The following SETD2 variants were observed in gnomAD, a reference collection of about 807,000 sequenced individuals.
SETD2 encodes SET domain containing 2, histone lysine methyltransferase, also known as histone-lysine N-methyltransferase SETD2.
In SETD2, 31 loss-of-function variants were observed where a neutral mutation model predicts 242.1. The ratio of observed to expected loss-of-function variants is 0.13; its 90% CI spans 0.10 to 0.17. The LOEUF (loss-of-function observed/expected upper bound fraction) is 0.17, where lower values mean the gene tolerates loss of function less well. Ranked by LOEUF, SETD2 falls within the 10% of genes least tolerant of loss-of-function variation. SETD2 has a pLI of 1.00. For missense variants in SETD2, 2,481 were observed against 3,046.3 expected (o/e 0.81, Z 4.37); for synonymous variants, 1,006 against 1,066.5 (o/e 0.94, Z 1.11).
rs1045316054 is a variant in SETD2 at position 47,100,878 on chromosome 3, C to T, written c.5015+580G>A. Among the ~76,000 whole-genome samples the T allele has an allele frequency of 2.4e-4, 36 of 151,348 alleles. 1 individual carries two copies. Among genetic ancestry groups the T allele is most frequent in the African/African-American group, 6.8e-4 (28 of 41,206 alleles). ...ACAAAAAATTAGCTGGGCGTGGTGG[C>T]GGGCGCCTGTAGTACCAGCTGCTCA... is the stretch of plus-strand genomic sequence containing the variant. On this transcript the variant is annotated intron_variant, in intron 8 of 20. Coordinates refer to ENST00000409792, the MANE Select transcript of SETD2 (RefSeq NM_014159.7).
chr3:47,109,421 G>A (rs1023414334), intron 5 of SETD2, among the ~76,000 whole-genome samples: 1 of 152,134 alleles, frequency 6.6e-6, no homozygotes, highest in African/African-American at 2.4e-5. Flanking sequence ...CAAGGTGAGA[G>A]GATCACTGGA....
At chr3:47,102,772 C>CAAAAAAAAAAA in intron 7 of SETD2, among the ~76,000 whole-genome samples, 1 of 97,940 alleles carries the variant, frequency 1.0e-5, no homozygotes. Flanking sequence ...CCAGCCTGGG[C>CAAAAAAAAAAA]AAAAAAAAAA....
chr3:47,057,778 G>T (rs2040143374), intron 14 of SETD2, among the ~76,000 whole-genome samples: 2 of 151,814 alleles, frequency 1.3e-5, no homozygotes, highest in African/African-American at 2.4e-5. Flanking sequence ...TTTATAGCTG[G>T]GGACATTTCT....
chr3:47,109,056 C>T (rs1343775180), intron 5 of SETD2, among the ~76,000 whole-genome samples: 1 of 152,126 alleles, frequency 6.6e-6, no homozygotes, highest in African/African-American at 2.4e-5. Context: ...CTTCATTGAA[C>T]TCCTTCTCCT....
intron 18 of SETD2, among the ~76,000 whole-genome samples, chr3:47,036,695 G>A (rs1355655888): frequency 2.0e-5 from 3 of 151,784 alleles, no homozygotes; most frequent in East Asian, 3.9e-4. Flanking sequence ...CTGTGGTCAG[G>A]AGTTCAAAAC....
intron 1 of SETD2, among the ~76,000 whole-genome samples, chr3:47,142,350 A>G (rs966708669): frequency 5.9e-5 from 9 of 152,090 alleles, no homozygotes; most frequent in African/African-American, 1.9e-4. Context: ...TCTACAAAAA[A>G]TAAGCAAAAT....
In SETD2 at chr3:47,044,344, C is replaced by CAAAAAAAAAAAAAAAAAAAA. The variant is rs59408277; in HGVS notation, c.7099-1664_7099-1645dup. 2.4e-4 allele frequency among the ~76,000 whole-genome samples: 8 copies of CAAAAAAAAAAAAAAAAAAAA among 33,948 alleles called. 1 individual carries two copies. The highest frequency in any genetic ancestry group is 4.6e-4 in the African/African-American group (4 of 8,738). The allele number at this position is 33,948 out of a possible 152,430, so 22.3% of individuals were successfully genotyped here. On this transcript the variant is annotated intron_variant, in intron 16 of 20. Coordinates refer to ENST00000409792, the MANE Select transcript of SETD2 (RefSeq NM_014159.7). ...TGGGCAACAAAGCAAGACTTCATCT[C>CAAAAAAAAAAAAAAAAAAAA]AAAAAAAAAAAAAAAAAAAAAAAAA...
At chr3:47,055,816 T>C (rs953766369) in intron 15 of SETD2, among the ~76,000 whole-genome samples, 6 of 151,564 alleles carry the variant, frequency 4.0e-5, no homozygotes, top group Non-Finnish European at 5.9e-5. Flanking sequence ...ATTGAGACCA[T>C]CCTGGCTAAC....
intron 12 of SETD2, among the ~76,000 whole-genome samples, chr3:47,082,152 T>C (rs540103152): frequency 5.3e-4 from 80 of 152,296 alleles, no homozygotes; most frequent in Non-Finnish European, 8.7e-4. Context: ...CCATCACAAT[T>C]ACAGAAACCC....
At chr3:47,146,263 G>A (rs2043849014) in intron 1 of SETD2, among the ~76,000 whole-genome samples, 1 of 152,000 alleles carries the variant, frequency 6.6e-6, no homozygotes, top group East Asian at 1.9e-4. Flanking sequence ...AGAAATGGAG[G>A]CCAAAGAAGC....
intron 15 of SETD2, among the ~76,000 whole-genome samples, chr3:47,047,878 T>C (rs1375690091): frequency 1.3e-5 from 2 of 152,192 alleles, no homozygotes; most frequent in East Asian, 3.8e-4. Flanking sequence ...TAACATCATA[T>C]AATGTACTTT....
chr3:47,095,230 G>A (rs1286416721), intron 9 of SETD2, among the ~76,000 whole-genome samples: 1 of 152,130 alleles, frequency 6.6e-6, no homozygotes, highest in Non-Finnish European at 1.5e-5. Flanking sequence ...CTGCCTCCTG[G>A]GTTCAAGCAA....
rs1458705169 is a variant in SETD2 at position 47,163,941 on chromosome 3, CGGCGACGCGAGCCCCCTCCCCGCAGCAG to C, written c.-45_-18del. 1.3e-5 allele frequency: 17 copies of C among 1,284,870 alleles called. No individual in the cohort carries two copies. The highest frequency in any genetic ancestry group is 1.5e-5 in the Non-Finnish European group (15 of 1,010,396). 79.6% of individuals were successfully genotyped at this position (1,284,870 alleles called of 1,614,324 possible). On this transcript the variant is annotated 5_prime_UTR_variant, in exon 1 of 21. Coordinates refer to ENST00000409792, the MANE Select transcript of SETD2 (RefSeq NM_014159.7). ...CTGCTTCATCGGGAGCGGCTGGAGA[CGGCGACGCGAGCCCCCTCCCCGCAGCAG>C]GGCGACGCGGGGGAGGGGAGGGGAG...
intron 6 of SETD2, 37 bp from the exon 7 acceptor site, chr3:47,103,460 T>A (rs1311328170): frequency 7.4e-7 from 1 of 1,345,560 alleles, no homozygotes; most frequent in Non-Finnish European, 1.1e-6. Context: ...TAAAAAATAA[T>A]ACCTTAAATA....
chr3:47,153,894 A>G (rs1300119434), intron 1 of SETD2, among the ~76,000 whole-genome samples: 1 of 152,234 alleles, frequency 6.6e-6, no homozygotes, highest in Non-Finnish European at 1.5e-5. Flanking sequence ...AAATAAGTAC[A>G]GATTTTTTAA....
intron 16 of SETD2, among the ~76,000 whole-genome samples, chr3:47,045,776 A>G (rs1405380525): frequency 7.0e-6 from 1 of 142,712 alleles, no homozygotes. Flanking sequence ...GGATCCTAGG[A>G]GCATTTTTTT....
At chr3:47,152,000 A>G (rs1399082897) in intron 1 of SETD2, among the ~76,000 whole-genome samples, 4 of 152,176 alleles carry the variant, frequency 2.6e-5, no homozygotes, top group Non-Finnish European at 5.9e-5. Context: ...CAAGGTGTTC[A>G]TATCAGCTAG....
chr3:47,147,124 C>T lies in SETD2; in HGVS notation c.71+16730G>A, dbSNP rs188891088. ...CTCCCAGGTTCAAGCAATTCTCCTG[C>T]CTCAGCCTCCCAAGTAGCTGGGATT... On this transcript the variant is annotated intron_variant, in intron 1 of 20. Coordinates refer to ENST00000409792, the MANE Select transcript of SETD2 (RefSeq NM_014159.7). Among the ~76,000 whole-genome samples the T allele has an allele frequency of 2.6e-5, 4 of 152,140 alleles. No individual in the cohort carries two copies. In the East Asian group the frequency reaches 7.7e-4, roughly 29 times the overall value.
chr3:47,101,597 A>AGTGTGTGTGTGTGTGTGTGT (rs61571386), intron 7 of SETD2, 42 bp from the exon 8 acceptor site: 1 of 706,630 alleles, frequency 1.4e-6, no homozygotes, highest in African/African-American at 1.9e-5. Flanking sequence ...GTAACTTATT[A>AGTGTGTGTGTGTGTGTGTGT]GTGTGTGTGT....
Sources: allele counts gnomAD v4.1 joint callset (sites outside exome capture counted in the v4.1 genomes callset), GRCh38; gene constraint gnomAD v4.1.1; transcripts MANE v1.5; gene names NCBI Gene and HGNC (gene_info 2026-07-23, HGNC 2026-07-21).